HNMT: variants seen among roughly 807,000 people sequenced by gnomAD.
The protein encoded by HNMT is histamine N-methyltransferase.
HNMT carries 30 observed loss-of-function variants against 32.1 expected under a neutral mutation model. The observed-to-expected ratio is 0.93, with a 90% CI of 0.70 to 1.27. HNMT has a LOEUF of 1.27. Ranked by LOEUF, HNMT falls within the 50% of genes most tolerant of loss-of-function variation. The pLI is 0.00. For synonymous variants in HNMT, 125 were observed against 119.0 expected, an observed-to-expected ratio of 1.05 and a Z score of -0.33; for missense variants, 327 against 346.0, an observed-to-expected ratio of 0.95 and a Z score of 0.43.
chr2:137,982,349 C>T (rs918019796), intron 2 of HNMT, among the ~76,000 whole-genome samples: 2 of 152,004 alleles, frequency 1.3e-5, no homozygotes, highest in Non-Finnish European at 2.9e-5. Flanking sequence ...AATTACATGC[C>T]CTTCATTGAA....
intron 2 of HNMT, among the ~76,000 whole-genome samples, chr2:137,990,294 T>C (rs1249799317): frequency 6.6e-6 from 1 of 152,192 alleles, no homozygotes; most frequent in Non-Finnish European, 1.5e-5. Flanking sequence ...GATTCATTTT[T>C]TTGCAGGTGG....
chr2:137,969,411 G>A lies in HNMT; in HGVS notation c.138-754G>A, dbSNP rs368382631. ...AATCTTGCAAATCCAAATGTCTGCT[G>A]AATTCGTATTTATTTTTTTTAAAAG... On this transcript the variant is annotated intron_variant, in intron 1 of 5. Coordinates refer to ENST00000280097, the MANE Select transcript of HNMT (RefSeq NM_006895.3). 9.9e-5 allele frequency among the ~76,000 whole-genome samples: 15 copies of A among 152,258 alleles called. No homozygotes were observed. The East Asian group carries it at 2.5e-3, about 25-fold the overall frequency.
intron 2 of HNMT, among the ~76,000 whole-genome samples, chr2:137,985,296 C>G (rs1372313828): frequency 6.6e-6 from 1 of 151,996 alleles, no homozygotes; most frequent in African/African-American, 2.4e-5. Context: ...GTATGTCCAT[C>G]AACAATGCAA....
chr2:137,964,846 G>A (rs902156549), intron 1 of HNMT, among the ~76,000 whole-genome samples: 1 of 152,138 alleles, frequency 6.6e-6, no homozygotes, highest in Non-Finnish European at 1.5e-5. Context: ...TCCCATTTGT[G>A]TTGTATTTCC....
intron 2 of HNMT, among the ~76,000 whole-genome samples, chr2:137,992,550 G>C (rs1005431121): frequency 1.3e-5 from 2 of 152,150 alleles, no homozygotes; most frequent in African/African-American, 4.8e-5. Context: ...CTCAGGGACA[G>C]AACCTGCATC....
At chr2:137,993,550 G>A (rs903695460) in intron 2 of HNMT, among the ~76,000 whole-genome samples, 20 of 152,140 alleles carry the variant, frequency 1.3e-4, no homozygotes, top group Admixed American at 3.9e-4. Context: ...ACCTACAATT[G>A]ATTGGAGTCC....
chr2:137,971,029 TCA>T (rs1178421210), intron 2 of HNMT, among the ~76,000 whole-genome samples: 1 of 151,808 alleles, frequency 6.6e-6, no homozygotes, highest in African/African-American at 2.4e-5. Flanking sequence ...TGAGAAAGTC[TCA>T]CCATGGGGAA....
At chr2:138,013,009 T>C (rs1681556274) in intron 5 of HNMT, among the ~76,000 whole-genome samples, 1 of 152,120 alleles carries the variant, frequency 6.6e-6, no homozygotes, top group Admixed American at 6.6e-5. Flanking sequence ...CCTTATTAAA[T>C]GTATATTGAG....
rs78578886 is a variant in HNMT at position 137,991,325 on chromosome 2, A to G, written c.191-9593A>G. Reference sequence around the variant, plus strand: ...CATGTAGTAATGTGATTGGATGAAAAGGTTATAATCTAATGCTGATAGGCT... The same window carrying G: ...CATGTAGTAATGTGATTGGATGAAAGGGTTATAATCTAATGCTGATAGGCT... On this transcript the variant is annotated intron_variant, in intron 2 of 5. Transcript: ENST00000280097. Among the ~76,000 whole-genome samples, 814 of 152,346 alleles carry G rather than the reference A, an allele frequency of 5.3e-3. 5 individuals are homozygous for G. The highest frequency in any genetic ancestry group is 0.018 in the African/African-American group (758 of 41,578).
chr2:138,009,653 TCA>T (rs1476825752), intron 5 of HNMT, among the ~76,000 whole-genome samples: 1 of 152,034 alleles, frequency 6.6e-6, no homozygotes, highest in Non-Finnish European at 1.5e-5. Context: ...ACAAATTTGA[TCA>T]CAAGAAATTT....
chr2:137,982,795 T>G (rs547518933), intron 2 of HNMT, among the ~76,000 whole-genome samples: 1 of 152,370 alleles, frequency 6.6e-6, no homozygotes, highest in East Asian at 1.9e-4. Context: ...TAACATAAAC[T>G]GCCTAAGTGC....
chr2:137,998,750 AGGTCCATCTTT>A (rs1327995685), intron 2 of HNMT, among the ~76,000 whole-genome samples: 4 of 152,214 alleles, frequency 2.6e-5, no homozygotes, highest in Non-Finnish European at 5.9e-5. Flanking sequence ...TGAAATGTCA[AGGTCCATCTTT>A]GGAGGAGAGC....
intron 2 of HNMT, among the ~76,000 whole-genome samples, chr2:137,996,825 T>C (rs1190927005): frequency 6.6e-6 from 1 of 151,962 alleles, no homozygotes; most frequent in Non-Finnish European, 1.5e-5. Context: ...AAAACAGATA[T>C]ATAGACCAAT....
At chr2:138,005,300 A>C in intron 5 of HNMT, 75 bp downstream of exon 5, 1 of 826,088 alleles carries the variant, frequency 1.2e-6, no homozygotes, top group Middle Eastern at 2.6e-4. Context: ...TGTTTGAAAG[A>C]AGCTTATATA....
chr2:138,003,555 C>T (rs1379584667), intron 4 of HNMT, among the ~76,000 whole-genome samples: 2 of 152,084 alleles, frequency 1.3e-5, no homozygotes, highest in African/African-American at 2.4e-5. Context: ...TCAGGTAGTA[C>T]TTATCACTGT....
At chr2:137,971,296 C>T (rs1227927496) in intron 2 of HNMT, among the ~76,000 whole-genome samples, 5 of 152,116 alleles carry the variant, frequency 3.3e-5, no homozygotes, top group Non-Finnish European at 7.4e-5. Context: ...TCTCCTCCCT[C>T]AGCATCCTGA....
intron 2 of HNMT, among the ~76,000 whole-genome samples, chr2:137,993,301 C>T (rs1323036509): frequency 6.6e-6 from 1 of 152,038 alleles, no homozygotes; most frequent in African/African-American, 2.4e-5. Context: ...AAGCTAAGAA[C>T]CTTGATAAAA....
Position 137,988,442 on chromosome 2 carries a change from G to A in HNMT, c.191-12476G>A, listed in dbSNP as rs564717687. The A allele has an allele frequency of 3.3e-5, 5 of 152,300 alleles. No individual in the cohort carries two copies. The South Asian group carries it at 1.0e-3, about 32-fold the overall frequency. The allele number at this position is 152,300 out of a possible 1,614,324, so 9.4% of individuals were successfully genotyped here. A position where few individuals can be genotyped will look rare whatever the true frequency, so the allele number is the denominator to read the frequency against. On this transcript the variant is annotated intron_variant, in intron 2 of 5. Transcript: ENST00000280097. ...GAAGAAGAAACTTTGAGTGATGATG[G>A]ATAGCAAACAGCATGGGTGAATGTT...
Position 138,002,098 on chromosome 2 carries a change from A to T in HNMT, c.333A>T (p.Val111=). The T allele has an allele frequency of 6.3e-7, 1 of 1,599,126 alleles. No homozygotes were observed. Among genetic ancestry groups the T allele is most frequent in the East Asian group, 2.3e-5 (1 of 44,398 alleles). ...CCAAGACATCGAACCTCGAGAACGT[A>T]AAGTTTGCTTGGCATAAGGAGACAT... is the stretch of plus-strand genomic sequence containing the variant. ...LVAKTSNLEN[V]KFAWHKETSS... The change falls in exon 4 of 6, where the codon GTA becomes GTT. Residue 111 remains valine, a synonymous_variant. Transcript: ENST00000280097.
Sources: allele counts gnomAD v4.1 joint callset (sites outside exome capture counted in the v4.1 genomes callset), GRCh38; gene constraint gnomAD v4.1.1; transcripts MANE v1.5; gene names NCBI Gene and HGNC (gene_info 2026-07-23, HGNC 2026-07-21).